The following PDE6C variants were observed in gnomAD, a reference collection of about 807,000 sequenced individuals.
PDE6C encodes cone cGMP-specific 3',5'-cyclic phosphodiesterase subunit alpha'.
Under a neutral mutation model 113.1 loss-of-function variants are expected in PDE6C, and 75 were observed. The ratio of observed to expected loss-of-function variants is 0.66; its 90% CI spans 0.55 to 0.80. The LOEUF is 0.80. Among genes scored for constraint, PDE6C ranks in the 30% least tolerant of loss-of-function variants. The pLI is 0.00. For missense variants in PDE6C, 912 were observed against 1,038.6 expected (o/e 0.88, Z 1.67); for synonymous variants, 375 against 363.7 (o/e 1.03, Z -0.35).
At chr10:93,657,241 A>G (rs903335440) in intron 16 of PDE6C, among the ~76,000 whole-genome samples, 2 of 151,134 alleles carry the variant, frequency 1.3e-5, no homozygotes, top group Non-Finnish European at 2.9e-5. Flanking sequence ...GGCTCACTGT[A>G]ATCTCTGCCT....
chr10:93,656,207 C>T lies in PDE6C; in HGVS notation c.2036+347C>T, dbSNP rs140058949. Among the ~76,000 whole-genome samples the T allele has an allele frequency of 6.4e-3, 969 of 152,282 alleles. 12 individuals are homozygous for T. Among genetic ancestry groups the T allele is most frequent in the African/African-American group, 0.022 (915 of 41,546 alleles). On this transcript the variant is annotated intron_variant, in intron 16 of 21. Coordinates refer to ENST00000371447, the MANE Select transcript of PDE6C (RefSeq NM_006204.4). Reference sequence around the variant, plus strand: ...GAAGCCAAGAGACCTCTCAAGGTGGCTTTTTGTCCAGGTGAATTCTCTATG... The same window carrying T: ...GAAGCCAAGAGACCTCTCAAGGTGGTTTTTTGTCCAGGTGAATTCTCTATG...
chr10:93,651,670 T>C (rs999642016), intron 15 of PDE6C, among the ~76,000 whole-genome samples: 10 of 152,160 alleles, frequency 6.6e-5, no homozygotes, highest in African/African-American at 2.2e-4. Flanking sequence ...TTTCCGGAAG[T>C]TGGTAAAGCT....
At chr10:93,634,682 G>C in intron 8 of PDE6C, 76 bp from the exon 9 acceptor site, 1 of 1,482,894 alleles carries the variant, frequency 6.7e-7, no homozygotes, top group South Asian at 1.2e-5. Context: ...CATTTCTTTT[G>C]TAATATCCTG....
chr10:93,622,640 T>TTTTTTTTG (rs2058452768), intron 4 of PDE6C, among the ~76,000 whole-genome samples: 1 of 5,304 alleles, frequency 1.9e-4, no homozygotes, highest in Non-Finnish European at 5.6e-3. Context: ...TAGCCACAGG[T>TTTTTTTTG]TTTTTTTTTG....
In PDE6C at chr10:93,622,128, C is replaced by T. The variant is rs189863768; in HGVS notation, c.864+56C>T. 1.0e-5 allele frequency: 15 copies of T among 1,500,124 alleles called. No homozygotes were observed. The South Asian group carries it at 1.0e-4, about 10-fold the overall frequency. 92.9% of individuals were successfully genotyped at this position (1,500,124 alleles called of 1,614,324 possible). Reference sequence around the variant, plus strand: ...CTCACATCGCCTATATAACACACACCACAGGAAATGTGATCCTTAAAAAAC... The same window carrying T: ...CTCACATCGCCTATATAACACACACTACAGGAAATGTGATCCTTAAAAAAC... On this transcript the variant is annotated intron_variant, in intron 4 of 21. Coordinates refer to ENST00000371447, the MANE Select transcript of PDE6C (RefSeq NM_006204.4).
intron 14 of PDE6C, among the ~76,000 whole-genome samples, chr10:93,644,780 G>GTATATA (rs138885149): frequency 0.014 from 1,945 of 142,936 alleles, 20 homozygotes; most frequent in Middle Eastern, 0.062. Context: ...TGTGGTGCGT[G>GTATATA]TATATATATA....
chr10:93,640,715 G>A (rs1025509235), intron 13 of PDE6C, among the ~76,000 whole-genome samples, 158 bp downstream of exon 13: 11 of 152,120 alleles, frequency 7.2e-5, no homozygotes, highest in Non-Finnish European at 1.3e-4. Flanking sequence ...TTGAGCACCG[G>A]TGGGATGATC....
intron 16 of PDE6C, among the ~76,000 whole-genome samples, chr10:93,657,676 A>C (rs978195429): frequency 2.0e-5 from 3 of 152,174 alleles, no homozygotes; most frequent in African/African-American, 7.2e-5. Flanking sequence ...CCAGTCTTCT[A>C]TTCATAGACA....
intron 8 of PDE6C, 65 bp downstream of exon 8, chr10:93,629,370 T>A: frequency 8.7e-7 from 1 of 1,143,976 alleles, no homozygotes; most frequent in Non-Finnish European, 1.3e-6. Flanking sequence ...TGCTCTCGCC[T>A]CTCCTCCACC....
At chr10:93,651,977 AAAC>A (rs924360573) in intron 15 of PDE6C, among the ~76,000 whole-genome samples, 1 of 152,126 alleles carries the variant, frequency 6.6e-6, no homozygotes, top group Non-Finnish European at 1.5e-5. Flanking sequence ...TTTACTTACT[AAAC>A]AAACAAAAAA....
At chr10:93,649,835 C>T (rs1171059414) in intron 15 of PDE6C, among the ~76,000 whole-genome samples, 2 of 152,182 alleles carry the variant, frequency 1.3e-5, no homozygotes, top group Non-Finnish European at 2.9e-5. Context: ...GAACCCCCAA[C>T]CTCAGGTGAT....
At chr10:93,656,581 T>C (rs1012278130) in intron 16 of PDE6C, among the ~76,000 whole-genome samples, 10 of 151,780 alleles carry the variant, frequency 6.6e-5, no homozygotes, top group African/African-American at 2.2e-4. Flanking sequence ...TATTATTATA[T>C]GTATTATTAT....
intron 3 of PDE6C, 46 bp downstream of exon 3, chr10:93,621,026 C>T (rs1371727645): frequency 2.1e-5 from 32 of 1,505,738 alleles, no homozygotes; most frequent in Non-Finnish European, 3.0e-5. Context: ...CCTATTCTGA[C>T]AAAGCCGCCC....
chr10:93,654,814 T>TTTC (rs2058628789), intron 15 of PDE6C, among the ~76,000 whole-genome samples: 2 of 95,328 alleles, frequency 2.1e-5, no homozygotes, highest in Non-Finnish European at 4.6e-5. Flanking sequence ...TTCTTTCTTT[T>TTTC]TTTTTTTTTT....
Position 93,655,866 on chromosome 10 carries a change from T to G in PDE6C, c.2036+6T>G, listed in dbSNP as rs1469034066. On this transcript the variant is annotated splice_donor_region_variant and intron_variant, in intron 16 of 21. Transcript: ENST00000371447. Reference sequence around the variant, plus strand: ...GACCTGGCTTTATATTTCAAGTAAGTACATAACTCTGCACAGTGGAATGCC... The same window carrying G: ...GACCTGGCTTTATATTTCAAGTAAGGACATAACTCTGCACAGTGGAATGCC... 1 of 1,376,790 alleles carries G rather than the reference T, an allele frequency of 7.3e-7. No homozygotes were observed. Among genetic ancestry groups the G allele is most frequent in the African/African-American group, 1.4e-5 (1 of 70,344 alleles). The allele number at this position is 1,376,790 out of a possible 1,614,324, so 85.3% of individuals were successfully genotyped here.
chr10:93,619,633 C>G (rs535416412), intron 1 of PDE6C, among the ~76,000 whole-genome samples: 1 of 152,250 alleles, frequency 6.6e-6, no homozygotes, highest in Non-Finnish European at 1.5e-5. Context: ...ATCATGTTGG[C>G]CAGGCTGGTC....
rs2058653817 is a variant in PDE6C, at chr10:93,658,975, T to C, written c.2111T>C (p.Val704Ala). The stretch of plus-strand genomic sequence containing the variant: ...ACGGAAGAAGAAGCCATCAAATATG[T>C]AACTGTTGATCCAACCAAGAAAGAG... ...MQTEEEAIKYVTVDPTKKEII... is the reference protein window; with the variant it reads ...MQTEEEAIKYATVDPTKKEII... Residue 704 changes from valine (V) to alanine (A), a missense_variant, in exon 17 of 22, where the codon GTA (valine) becomes GCA (alanine). Transcript: ENST00000371447. 2 of 1,611,262 alleles carry C rather than the reference T, an allele frequency of 1.2e-6. No individual in the cohort carries two copies. The highest frequency in any genetic ancestry group is 1.7e-6 in the Non-Finnish European group (2 of 1,177,616).
chr10:93,622,056 A>G lies in PDE6C; in HGVS notation c.848A>G (p.Asp283Gly). Residue 283 changes from aspartate to glycine, a missense_variant, in exon 4 of 22, where the codon GAC becomes GGC. Asp to Gly is a moderately conservative substitution (Grantham distance 94, BLOSUM62 -1). Transcript: ENST00000371447. ...GAACGATACTCCATTGGACTGCTGG[A>G]CATGACCAAGGAGAAGGTTCTTATT... ...NCERYSIGLL[D>G]MTKEKEFYDE... is the part of the protein sequence containing the mutation. The G allele has an allele frequency of 6.2e-7, 1 of 1,614,060 alleles. No individual in the cohort carries two copies. The highest frequency in any genetic ancestry group is 8.5e-7 in the Non-Finnish European group (1 of 1,179,992).
chr10:93,618,546 T>C (rs966246944), intron 1 of PDE6C, among the ~76,000 whole-genome samples: 1 of 152,232 alleles, frequency 6.6e-6, no homozygotes, highest in African/African-American at 2.4e-5. Context: ...GGGAAAGGTA[T>C]AGAAGAGATC....
Sources: gnomAD v4.1 joint callset for allele counts (sites outside exome capture counted in the v4.1 genomes callset) on GRCh38, gnomAD v4.1.1 for gene constraint, MANE v1.5 for transcripts, NCBI Gene and HGNC (gene_info 2026-07-23, HGNC 2026-07-21) for gene names.